The following IL1RAP variants were observed in gnomAD, a reference collection of about 807,000 sequenced individuals.
IL1RAP encodes interleukin 1 receptor accessory protein, also known as interleukin-1 receptor accessory protein.
IL1RAP carries 35 observed loss-of-function variants against 60.7 expected under a neutral mutation model. That is an observed-to-expected ratio of 0.58 (90% CI 0.44 to 0.76). The LOEUF is 0.76. Ranked by LOEUF, IL1RAP falls within the 30% of genes least tolerant of loss-of-function variation. IL1RAP has a pLI of 0.00. For synonymous variants in IL1RAP, 268 were observed against 250.9 expected, an observed-to-expected ratio of 1.07 and a Z score of -0.64; for missense variants, 572 against 693.9, an observed-to-expected ratio of 0.82 and a Z score of 1.97.
intron 8 of IL1RAP, among the ~76,000 whole-genome samples, chr3:190,628,376 G>T (rs2108815202): frequency 6.6e-6 from 1 of 152,302 alleles, no homozygotes; most frequent in East Asian, 1.9e-4. Flanking sequence ...AAGTCATGTT[G>T]TTCCACCTTG....
intron 1 of IL1RAP, among the ~76,000 whole-genome samples, chr3:190,527,616 G>A (rs1722617931): frequency 6.6e-6 from 1 of 151,730 alleles, no homozygotes; most frequent in Non-Finnish European, 1.5e-5. Flanking sequence ...GTACCAATGA[G>A]CTGAGTTCTA....
chr3:190,645,555 G>C (rs1361986866), intron 10 of IL1RAP, 144 bp from the exon 11 acceptor site: 2 of 623,446 alleles, frequency 3.2e-6, no homozygotes, highest in South Asian at 2.1e-5. Context: ...GTCGTTTTGC[G>C]TGGAGACTTG....
intron 1 of IL1RAP, chr3:190,520,511 T>C (rs1196002298): frequency 6.6e-6 from 1 of 152,066 alleles, no homozygotes; most frequent in Non-Finnish European, 1.5e-5. Context: ...GAAAACACGG[T>C]GAAGGATGAT....
At chr3:190,569,913 C>A (rs1187041435) in intron 3 of IL1RAP, among the ~76,000 whole-genome samples, 2 of 152,086 alleles carry the variant, frequency 1.3e-5, no homozygotes, top group African/African-American at 2.4e-5. Flanking sequence ...TTTTTGCTAT[C>A]CTTTCCCTCA....
intron 3 of IL1RAP, among the ~76,000 whole-genome samples, chr3:190,572,004 A>C (rs1726969755): frequency 1.3e-5 from 2 of 152,372 alleles, no homozygotes; most frequent in Admixed American, 1.3e-4. Context: ...AGTGGATACC[A>C]ACCATTATTA....
intron 1 of IL1RAP, among the ~76,000 whole-genome samples, chr3:190,542,877 G>A (rs973224869): frequency 7.5e-6 from 1 of 133,166 alleles, no homozygotes; most frequent in African/African-American, 3.0e-5. Context: ...AAGATTAAGG[G>A]AATTTTTTTT....
intron 3 of IL1RAP, among the ~76,000 whole-genome samples, chr3:190,573,258 G>C (rs960038232): frequency 6.6e-6 from 1 of 152,092 alleles, no homozygotes; most frequent in Non-Finnish European, 1.5e-5. Context: ...AAGAGATGGC[G>C]GGCAAAAGTG....
chr3:190,572,077 G>C (rs535796061), intron 3 of IL1RAP, among the ~76,000 whole-genome samples: 2 of 152,014 alleles, frequency 1.3e-5, no homozygotes, highest in South Asian at 4.2e-4. Context: ...TTAATTGTTT[G>C]CCATAGACTT....
At chr3:190,656,829 C>T in exon 12 of IL1RAP, 1 of 435,228 alleles carries the variant, frequency 2.3e-6, no homozygotes, top group Admixed American at 3.9e-5. Flanking sequence ...CTTCTTGGGC[C>T]CTAGAAGGTC....
At chr3:190,635,277 A>G (rs1733131425) in intron 9 of IL1RAP, among the ~76,000 whole-genome samples, 1 of 151,996 alleles carries the variant, frequency 6.6e-6, no homozygotes, top group South Asian at 2.1e-4. Context: ...ATCAGTCAAG[A>G]TAAGGGTTTC....
intron 9 of IL1RAP, 168 bp downstream of exon 9, chr3:190,629,666 GT>G (rs1404468026): frequency 1.5e-6 from 2 of 1,349,898 alleles, no homozygotes. Context: ...TTTCATCTAT[GT>G]AAGATACTCA....
At chr3:190,532,319 G>A (rs919527754) in intron 1 of IL1RAP, among the ~76,000 whole-genome samples, 2 of 146,066 alleles carry the variant, frequency 1.4e-5, no homozygotes, top group Non-Finnish European at 3.0e-5. Context: ...CTGGAGTGCA[G>A]TGGCACCATC....
At chr3:190,636,867 T>G (rs1560235504) in intron 9 of IL1RAP, among the ~76,000 whole-genome samples, 1 of 152,188 alleles carries the variant, frequency 6.6e-6, no homozygotes, top group Non-Finnish European at 1.5e-5. Context: ...GTCTTTATTT[T>G]TATCTCCTCT....
intron 5 of IL1RAP, among the ~76,000 whole-genome samples, chr3:190,614,073 A>G (rs1244454402): frequency 6.6e-6 from 1 of 151,590 alleles, no homozygotes; most frequent in Non-Finnish European, 1.5e-5. Context: ...ATCCCCAAGC[A>G]TCTACCCGGA....
At chr3:190,563,846 A>G (rs1296398912) in intron 2 of IL1RAP, 1 of 163,850 alleles carries the variant, frequency 6.1e-6, no homozygotes, top group Non-Finnish European at 1.3e-5. Flanking sequence ...AAGAAGGTTG[A>G]ATTTATCTGC....
intron 3 of IL1RAP, among the ~76,000 whole-genome samples, chr3:190,594,308 A>G (rs558742125): frequency 2.0e-4 from 30 of 152,354 alleles, no homozygotes; most frequent in African/African-American, 6.0e-4. Flanking sequence ...CATAAAATGT[A>G]GAGGTGGAAA....
chr3:190,629,558 G>A, intron 9 of IL1RAP, 60 bp downstream of exon 9: 2 of 1,538,842 alleles, frequency 1.3e-6, no homozygotes, highest in Non-Finnish European at 1.7e-6. Flanking sequence ...GGTGAATAAG[G>A]ACAAAAGGAG....
Position 190,602,460 on chromosome 3 carries a change from C to T in IL1RAP, c.65-1668C>T, listed in dbSNP as rs1330678142. Reference sequence around the variant, plus strand: ...TTCAAAAATCTTTTAACACTTAGCACTTTACATATTACACAAAAGAATAAA... The same window carrying T: ...TTCAAAAATCTTTTAACACTTAGCATTTTACATATTACACAAAAGAATAAA... On this transcript the variant is annotated intron_variant, in intron 3 of 11. Transcript: ENST00000447382. Among the ~76,000 whole-genome samples, 13 of 152,156 alleles carry T rather than the reference C, an allele frequency of 8.5e-5. No homozygotes were observed. The East Asian group carries it at 2.3e-3, about 27-fold the overall frequency.
At chr3:190,567,925 C>CAG (rs1295400360) in intron 3 of IL1RAP, among the ~76,000 whole-genome samples, 1 of 152,204 alleles carries the variant, frequency 6.6e-6, no homozygotes, top group Non-Finnish European at 1.5e-5. Context: ...GTCTCTTTTG[C>CAG]TGTGCCTCAT....
Sources: allele counts gnomAD v4.1 joint callset (sites outside exome capture counted in the v4.1 genomes callset), GRCh38; gene constraint gnomAD v4.1.1; transcripts MANE v1.5; gene names NCBI Gene and HGNC (gene_info 2026-07-23, HGNC 2026-07-21).